Variants in TM6SF1 observed in about 807,000 individuals in gnomAD.
The protein encoded by TM6SF1 is transmembrane 6 superfamily member 1.
A neutral mutation model predicts 47.1 loss-of-function variants in TM6SF1; 43 were observed. That is an observed-to-expected ratio of 0.91 (90% CI 0.72 to 1.18). The LOEUF (loss-of-function observed/expected upper bound fraction) is 1.18. Among genes scored for constraint, TM6SF1 ranks in the 50% most tolerant of loss-of-function variants. The pLI, the probability that TM6SF1 is intolerant of heterozygous loss-of-function variation, is 0.00. For synonymous variants in TM6SF1, 177 were observed against 166.3 expected, an observed-to-expected ratio of 1.06 and a Z score of -0.49; for missense variants, 390 against 449.0, an observed-to-expected ratio of 0.87 and a Z score of 1.19.
chr15:83,123,386 C>G (rs992794211), intron 6 of TM6SF1, among the ~76,000 whole-genome samples: 1 of 152,194 alleles, frequency 6.6e-6, no homozygotes, highest in African/African-American at 2.4e-5. Context: ...CCATTCACAG[C>G]CAAGGTAGTC....
Position 83,107,808 on chromosome 15 carries a change from G to A in TM6SF1, c.92+36G>A, listed in dbSNP as rs1199903371. ...CGGCGCGGCGGGGGTCGCGCCGAGGGGCGGCGGGAGTTGGCTCGCCGCGAC... is the reference window on the plus strand; with the variant it reads ...CGGCGCGGCGGGGGTCGCGCCGAGGAGCGGCGGGAGTTGGCTCGCCGCGAC... On this transcript the variant is annotated intron_variant, in intron 1 of 9. Transcript: ENST00000322019. This position sits in a 1 kb window ranked among gnomAD's most constrained non-coding sequence, Gnocchi z 5.6. The A allele has an allele frequency of 1.3e-6, 2 of 1,554,166 alleles. No individual in the cohort carries two copies. The highest frequency in any genetic ancestry group is 1.9e-5 in the Admixed American group (1 of 51,916).
chr15:83,107,886 G>C lies in TM6SF1; in HGVS notation c.92+114G>C. 7.5e-7 allele frequency: 1 copy of C among 1,333,528 alleles called. No individual in the cohort carries two copies. The highest frequency in any genetic ancestry group is 9.6e-7 in the Non-Finnish European group (1 of 1,040,582). 82.6% of individuals were successfully genotyped at this position (1,333,528 alleles called of 1,614,324 possible). On this transcript the variant is annotated intron_variant, in intron 1 of 9. Transcript: ENST00000322019. The surrounding 1 kb of genome is among the most constrained non-coding windows in gnomAD (Gnocchi z 5.6). The stretch of plus-strand genomic sequence containing the variant: ...CTGGGACCGTCCGCCGCGGGACAGA[G>C]GTTCGTGGCCGCAGGGGCTCCCCGC...
At chr15:83,118,361 G>A (rs2034894688) in intron 3 of TM6SF1, among the ~76,000 whole-genome samples, 3 of 152,126 alleles carry the variant, frequency 2.0e-5, no homozygotes, top group Admixed American at 2.0e-4. Flanking sequence ...AGGACCTGTG[G>A]CCTGTGCACC....
At chr15:83,133,326 C>T (rs959404414) in intron 9 of TM6SF1, 1 of 152,222 alleles carries the variant, frequency 6.6e-6, no homozygotes, top group Non-Finnish European at 1.5e-5. Context: ...TTCACATGGA[C>T]ATATAACACT....
chr15:83,119,907 T>G, intron 4 of TM6SF1: 2 of 468,700 alleles, frequency 4.3e-6, no homozygotes, highest in Non-Finnish European at 7.4e-6. Flanking sequence ...GCAGACCCTT[T>G]AAGCTTTCTG....
Position 83,107,878 on chromosome 15 carries a change from G to T in TM6SF1, c.92+106G>T, listed in dbSNP as rs1045746330. 8.9e-6 allele frequency: 12 copies of T among 1,354,892 alleles called. No individual in the cohort carries two copies. Among genetic ancestry groups the T allele is most frequent in the Non-Finnish European group, 1.1e-5 (12 of 1,050,706 alleles). 83.9% of individuals were successfully genotyped at this position (1,354,892 alleles called of 1,614,324 possible). A position where few individuals can be genotyped will look rare whatever the true frequency, so the allele number is the denominator to read the frequency against. ...CGAGGGGGCTGGGACCGTCCGCCGC[G>T]GGACAGAGGTTCGTGGCCGCAGGGG... On this transcript the variant is annotated intron_variant, in intron 1 of 9. Transcript: ENST00000322019. The surrounding 1 kb of genome is among the most constrained non-coding windows in gnomAD (Gnocchi z 5.6).
At chr15:83,115,312 T>TTCA (rs1486291399) in intron 2 of TM6SF1, 1 of 229,654 alleles carries the variant, frequency 4.4e-6, no homozygotes, top group African/African-American at 2.3e-5. Flanking sequence ...GAGACGGGGT[T>TTCA]TCAATATGTT....
At chr15:83,121,232 A>G (rs140917511) in intron 4 of TM6SF1, among the ~76,000 whole-genome samples, 57 of 149,664 alleles carry the variant, frequency 3.8e-4, no homozygotes, top group East Asian at 7.9e-4. Flanking sequence ...CACCATGCCC[A>G]GCTAATTTTT....
chr15:83,118,955 C>T (rs1046463512), intron 3 of TM6SF1, among the ~76,000 whole-genome samples: 12 of 152,244 alleles, frequency 7.9e-5, no homozygotes, highest in African/African-American at 2.2e-4. Context: ...ATACTAGCTA[C>T]GTGACCTTAG....
At chr15:83,111,314 C>T (rs908190085) in intron 1 of TM6SF1, among the ~76,000 whole-genome samples, 1 of 151,882 alleles carries the variant, frequency 6.6e-6, no homozygotes, top group Non-Finnish European at 1.5e-5. Context: ...ATCCATCATC[C>T]ATCCATCCAT....
At chr15:83,135,941 G>T (rs1188128748) in intron 9 of TM6SF1, 2 of 152,164 alleles carry the variant, frequency 1.3e-5, no homozygotes, top group African/African-American at 4.8e-5. Flanking sequence ...TAGGGAAAGG[G>T]TATGAGCTCT....
intron 9 of TM6SF1, chr15:83,128,568 A>G (rs1222169650): frequency 6.6e-6 from 1 of 152,190 alleles, no homozygotes; most frequent in Non-Finnish European, 1.5e-5. Flanking sequence ...ACCAACTATA[A>G]GCTGATAACT....
At chr15:83,118,199 G>A (rs1284991871) in intron 3 of TM6SF1, among the ~76,000 whole-genome samples, 2 of 151,818 alleles carry the variant, frequency 1.3e-5, no homozygotes, top group Non-Finnish European at 2.9e-5. Context: ...ACTCTAGACC[G>A]GGTGACAGAG....
chr15:83,110,520 A>G (rs1422037763), intron 1 of TM6SF1, among the ~76,000 whole-genome samples: 6 of 152,136 alleles, frequency 3.9e-5, no homozygotes, highest in Non-Finnish European at 8.8e-5. Context: ...GAACCAGTTC[A>G]CACTGCTCTG....
intron 3 of TM6SF1, 43 bp from the exon 4 acceptor site, chr15:83,119,535 C>T (rs1410326674): frequency 6.2e-7 from 1 of 1,601,100 alleles, no homozygotes; most frequent in South Asian, 1.1e-5. Flanking sequence ...TCTGCATTTA[C>T]AGGTCTTATT....
intron 5 of TM6SF1, among the ~76,000 whole-genome samples, chr15:83,122,325 G>A (rs558208806): frequency 9.9e-5 from 15 of 152,176 alleles, no homozygotes; most frequent in Admixed American, 9.2e-4. Flanking sequence ...GACACACTAT[G>A]AGAACTCCAA....
chr15:83,115,787 C>A, intron 2 of TM6SF1, 58 bp from the exon 3 acceptor site: 1 of 1,125,892 alleles, frequency 8.9e-7, no homozygotes, highest in Non-Finnish European at 1.4e-6. Context: ...TGATGCCAAG[C>A]TTGTAGTAAT....
chr15:83,115,838 G>A lies in TM6SF1; in HGVS notation c.197-7G>A, dbSNP rs1347089713. On this transcript the variant is annotated splice_polypyrimidine_tract_variant and splice_region_variant and intron_variant, in intron 2 of 9. Coordinates refer to ENST00000322019, the MANE Select transcript of TM6SF1 (RefSeq NM_023003.5). ...TGCTTTTTAAACTGCTGCTTTCTTT[G>A]CTCTAGTGTATGCAGTTTTTGGATT... 6.2e-7 allele frequency: 1 copy of A among 1,607,048 alleles called. No homozygotes were observed. The highest frequency in any genetic ancestry group is 8.5e-7 in the Non-Finnish European group (1 of 1,173,608).
At chr15:83,115,701 G>A in intron 2 of TM6SF1, 144 bp from the exon 3 acceptor site, 1 of 716,358 alleles carries the variant, frequency 1.4e-6, no homozygotes, top group Non-Finnish European at 2.5e-6. Flanking sequence ...TGTAGAAGGG[G>A]TATTCTGTTA....
Sources: allele counts gnomAD v4.1 joint callset (sites outside exome capture counted in the v4.1 genomes callset), GRCh38; gene constraint gnomAD v4.1.1; non-coding constraint Gnocchi (gnomAD v3.1); transcripts MANE v1.5; gene names NCBI Gene and HGNC (gene_info 2026-07-23, HGNC 2026-07-21).